The following SHISA9 variants were observed in gnomAD, a reference collection of about 807,000 sequenced individuals.
SHISA9 encodes the protein shisa family member 9, also known as protein shisa-9.
In SHISA9, 13 loss-of-function variants were observed where a neutral mutation model predicts 38.0. The observed-to-expected ratio is 0.34, with a 90% confidence interval of 0.22 to 0.54. The LOEUF (loss-of-function observed/expected upper bound fraction) is 0.54, where lower values mean the gene tolerates loss of function less well. Among genes scored for constraint, SHISA9 ranks in the 20% least tolerant of loss-of-function variants. The probability of loss-of-function intolerance (pLI) is 0.91; values close to 1 mark genes in which losing one functional copy is unlikely to be tolerated. For synonymous variants in SHISA9, 275 were observed against 242.0 expected, an observed-to-expected ratio of 1.14 and a Z score of -1.27; for missense variants, 538 against 575.8, an observed-to-expected ratio of 0.93 and a Z score of 0.67.
At chr16:13,270,422 C>T in the SHISA9 span, among the ~76,000 whole-genome samples, 1 of 152,142 alleles carries the variant, frequency 6.6e-6, no homozygotes, top group Non-Finnish European at 1.5e-5. Context: ...AATTTACCCT[C>T]CTAATGACTT....
At chr16:13,025,494 C>T (rs1014060809) in intron 2 of SHISA9, among the ~76,000 whole-genome samples, 14 of 152,172 alleles carry the variant, frequency 9.2e-5, no homozygotes, top group Admixed American at 5.9e-4. Flanking sequence ...TAGAAAATAG[C>T]GATGCCTCTG....
At chr16:13,371,181 G>T in the SHISA9 span, among the ~76,000 whole-genome samples, 2 of 152,316 alleles carry the variant, frequency 1.3e-5, no homozygotes, top group Middle Eastern at 3.4e-3. Flanking sequence ...AAGCTACTAT[G>T]TAGCAGAGTT....
chr16:13,341,584 A>T, the SHISA9 span, among the ~76,000 whole-genome samples: 1 of 152,226 alleles, frequency 6.6e-6, no homozygotes, highest in African/African-American at 2.4e-5. Context: ...ACTCTGACGC[A>T]GCAGACAACC....
intron 2 of SHISA9, among the ~76,000 whole-genome samples, chr16:13,138,679 T>C (rs2050371371): frequency 6.6e-6 from 1 of 152,238 alleles, no homozygotes; most frequent in Non-Finnish European, 1.5e-5. Flanking sequence ...AGGGGAGTCT[T>C]TGAGCCGTTT....
chr16:13,164,645 AG>A (rs2050621221), intron 2 of SHISA9, among the ~76,000 whole-genome samples: 1 of 152,122 alleles, frequency 6.6e-6, no homozygotes, highest in African/African-American at 2.4e-5. Flanking sequence ...ATTAGCCTCT[AG>A]GTATTGCTAT....
At chr16:13,327,872 T>C in the SHISA9 span, among the ~76,000 whole-genome samples, 1 of 152,050 alleles carries the variant, frequency 6.6e-6, no homozygotes. Context: ...TTGGCCAGGC[T>C]GGCCTTGCAC....
rs557928899 is a variant in SHISA9, at chr16:13,030,082, G to A, written c.691+113267G>A. On this transcript the variant is annotated intron_variant, in intron 2 of 4. Transcript: ENST00000558583. ...GGTACACAGTAAGCACTTGATCAAT[G>A]TCGTTTATAATTACTGTTTTTAGAA... 2.6e-5 allele frequency among the ~76,000 whole-genome samples: 4 copies of A among 152,308 alleles called. No individual in the cohort carries two copies. In the East Asian group the frequency reaches 7.7e-4, roughly 29 times the overall value.
intron 2 of SHISA9, among the ~76,000 whole-genome samples, chr16:12,989,128 T>C (rs2072351111): frequency 6.6e-6 from 1 of 152,180 alleles, no homozygotes; most frequent in South Asian, 2.1e-4. Flanking sequence ...AACCAGTAGA[T>C]GCTTTGAAAC....
chr16:12,934,719 C>T (rs2071506427), intron 2 of SHISA9, among the ~76,000 whole-genome samples: 1 of 152,134 alleles, frequency 6.6e-6, no homozygotes, highest in Non-Finnish European at 1.5e-5. Context: ...AATCGCTTAC[C>T]AAAGGAAGTG....
chr16:13,367,709 C>T, the SHISA9 span, among the ~76,000 whole-genome samples: 8 of 100,692 alleles, frequency 7.9e-5, no homozygotes, highest in Non-Finnish European at 1.3e-4. Flanking sequence ...CGCGCGCGCG[C>T]GCGCACACAC....
the SHISA9 span, among the ~76,000 whole-genome samples, chr16:13,545,834 C>T: frequency 6.6e-6 from 1 of 152,226 alleles, no homozygotes; most frequent in Admixed American, 6.5e-5. Flanking sequence ...AAAGTCTGGC[C>T]AATCAGAGCA....
the SHISA9 span, among the ~76,000 whole-genome samples, chr16:13,557,527 G>A: frequency 0.028 from 4,265 of 152,250 alleles, 52 homozygotes; most frequent in Non-Finnish European, 0.034. Flanking sequence ...CGAGAAGAGG[G>A]TGGTTATTAA....
the SHISA9 span, among the ~76,000 whole-genome samples, chr16:13,278,569 T>G: frequency 2.0e-5 from 3 of 152,014 alleles, no homozygotes; most frequent in Admixed American, 2.0e-4. Context: ...TTGGTAATTT[T>G]TAAATTACCA....
chr16:13,169,820 T>C (rs570572768), intron 2 of SHISA9, among the ~76,000 whole-genome samples: 6 of 152,170 alleles, frequency 3.9e-5, no homozygotes, highest in Non-Finnish European at 2.9e-5. Flanking sequence ...CTCTCTTCTC[T>C]TGGGGCTTTC....
intron 2 of SHISA9, among the ~76,000 whole-genome samples, chr16:12,970,471 A>G (rs59505752): frequency 0.31 from 4,235 of 13,868 alleles, 356 homozygotes; most frequent in East Asian, 0.39. Context: ...ATGTGTGTGT[A>G]TATATATATA....
intron 2 of SHISA9, among the ~76,000 whole-genome samples, chr16:12,959,431 C>G (rs1287180903): frequency 6.6e-6 from 1 of 152,178 alleles, no homozygotes; most frequent in African/African-American, 2.4e-5. Flanking sequence ...AAGGCTATGA[C>G]TTTGCAAACT....
intron 2 of SHISA9, among the ~76,000 whole-genome samples, chr16:13,095,412 G>A (rs566773311): frequency 3.3e-5 from 5 of 152,296 alleles, no homozygotes; most frequent in Admixed American, 1.3e-4. Flanking sequence ...AGCAATGAGT[G>A]AAAAAAGGCA....
the SHISA9 span, among the ~76,000 whole-genome samples, chr16:13,431,214 G>T: frequency 6.6e-6 from 1 of 152,158 alleles, no homozygotes; most frequent in Non-Finnish European, 1.5e-5. Context: ...CTGCTTAGGT[G>T]CCTTTTTCTC....
the SHISA9 span, among the ~76,000 whole-genome samples, chr16:13,328,888 G>A: frequency 6.6e-6 from 1 of 152,038 alleles, no homozygotes; most frequent in African/African-American, 2.4e-5. Flanking sequence ...TCCTTTCAAT[G>A]AAAAGCAGCC....
Sources: gnomAD v4.1 joint callset for allele counts (sites outside exome capture counted in the v4.1 genomes callset) on GRCh38, gnomAD v4.1.1 for gene constraint, MANE v1.5 for transcripts, NCBI Gene and HGNC (gene_info 2026-07-23, HGNC 2026-07-21) for gene names.